Variants in ZNF500 observed in about 807,000 individuals in gnomAD.
ZNF500 encodes zinc finger protein 500.
ZNF500 carries 31 observed loss-of-function variants against 30.1 expected under a neutral mutation model. That is an observed-to-expected ratio of 1.03 (90% CI 0.77 to 1.39). The LOEUF (loss-of-function observed/expected upper bound fraction) is 1.39, where lower values mean the gene tolerates loss of function less well. Among genes scored for constraint, ZNF500 ranks in the 40% most tolerant of loss-of-function variants. The probability of loss-of-function intolerance (pLI) is 0.00; values close to 1 mark genes in which losing one functional copy is unlikely to be tolerated. For synonymous variants in ZNF500, 392 were observed against 282.0 expected (o/e 1.39, Z -3.91); for missense variants, 817 against 657.8 (o/e 1.24, Z -2.65).
At chr16:4,766,129 C>A (rs2082263248) in intron 1 of ZNF500, 53 bp from the exon 2 acceptor site, 2 of 962,676 alleles carry the variant, frequency 2.1e-6, no homozygotes, top group Non-Finnish European at 2.9e-6. Flanking sequence ...CTGGATAAGC[C>A]CTTTGGCCTG....
At chr16:4,747,275 T>C (rs2082029610), downstream of ZNF500, 9 of 1,487,416 alleles carry the variant, frequency 6.1e-6, no homozygotes, top group South Asian at 1.2e-4. Flanking sequence ...TTTCTCCTGT[T>C]TCAGTAAGGA....
chr16:4,744,491 AAAGTG>A (rs1276217739), downstream of ZNF500, among the ~76,000 whole-genome samples: 1 of 151,976 alleles, frequency 6.6e-6, no homozygotes, highest in African/African-American at 2.4e-5. Flanking sequence ...CAAAGTGAAA[AAAGTG>A]AAGTTGAAAA....
chr16:4,753,901 C>T (rs960682887), intron 5 of ZNF500, among the ~76,000 whole-genome samples: 6 of 152,238 alleles, frequency 3.9e-5, no homozygotes, highest in Non-Finnish European at 5.9e-5. Context: ...CACTGGACCT[C>T]CCTTGTCGTA....
chr16:4,763,555 A>G, intron 2 of ZNF500: 1 of 985,446 alleles, frequency 1.0e-6, no homozygotes, highest in South Asian at 4.7e-5. Flanking sequence ...CTAGGCAACT[A>G]CAAACCCAGC....
At chr16:4,747,185 A>G (rs2142215128), downstream of ZNF500, 1 of 1,220,392 alleles carries the variant, frequency 8.2e-7, no homozygotes, top group Non-Finnish European at 1.2e-6. Context: ...GCCCACGTCC[A>G]CTGGGTCCCA....
chr16:4,765,528 C>T, intron 2 of ZNF500, 37 bp downstream of exon 2: 2 of 1,545,092 alleles, frequency 1.3e-6, no homozygotes, highest in Non-Finnish European at 1.7e-6. Flanking sequence ...AGCAGGGCCC[C>T]ATTTCCTCAC....
rs777117919 is a variant in ZNF500 at position 4,752,583 on chromosome 16, G to C, written c.1236C>G (p.Thr412=). ...TGTTGTTGAAGCGCTTCCCGCACTG[G>C]GTGCAGGCATAGGGCCGCTCCCCGC... The part of the protein sequence containing the change: ...THSGERPYAC[T]QCGKRFNNSS... Residue 412 remains threonine, a synonymous_variant, in exon 6 of 6, where the codon ACC becomes ACG. Transcript: ENST00000219478. The C allele has an allele frequency of 6.3e-7, 1 of 1,586,444 alleles. No individual in the cohort carries two copies. The highest frequency in any genetic ancestry group is 8.6e-7 in the Non-Finnish European group (1 of 1,167,456).
At chr16:4,757,707 A>G (rs1212082620) in intron 5 of ZNF500, among the ~76,000 whole-genome samples, 1 of 151,560 alleles carries the variant, frequency 6.6e-6, no homozygotes, top group Non-Finnish European at 1.5e-5. Context: ...GGTTCAAGCG[A>G]TTCTCCTGCC....
intron 4 of ZNF500, among the ~76,000 whole-genome samples, chr16:4,761,120 A>C (rs2082194168): frequency 6.6e-6 from 1 of 152,134 alleles, no homozygotes; most frequent in East Asian, 1.9e-4. Flanking sequence ...TAATGAGTCT[A>C]GGGGGTTTTC....
In ZNF500 at chr16:4,765,738, G is replaced by A. The variant is rs1439693882; in HGVS notation, c.241C>T (p.Pro81Ser). ...LWELCCRWLR[P>S]ELRTKEQILE... is the part of the protein sequence containing the mutation. ...ATCTGCTCCTTGGTGCGCAGCTCCG[G>A]CCGCAGCCAGCGGCAGCACAGCTCC... Residue 81 changes from proline to serine, a missense_variant, in exon 2 of 6, where the codon CCG becomes TCG. By Grantham distance (74) the Pro-to-Ser change is moderately conservative. Coordinates refer to ENST00000219478, the MANE Select transcript of ZNF500 (RefSeq NM_021646.4). 4.3e-6 allele frequency: 7 copies of A among 1,613,212 alleles called. No homozygotes were observed. The highest frequency in any genetic ancestry group is 1.3e-5 in the African/African-American group (1 of 74,926).
intron 2 of ZNF500, chr16:4,764,049 A>G: frequency 1.0e-6 from 1 of 985,412 alleles, no homozygotes; most frequent in Non-Finnish European, 1.2e-6. Context: ...AAGCAGCAGG[A>G]ATGAGTAAGA....
intron 5 of ZNF500, chr16:4,753,300 A>G (rs2082104611): frequency 4.6e-6 from 3 of 652,214 alleles, no homozygotes; most frequent in Non-Finnish European, 6.9e-6. Context: ...GTCTCTACAG[A>G]AAATAAACAA....
chr16:4,747,243 A>G, downstream of ZNF500: 1 of 1,410,002 alleles, frequency 7.1e-7, no homozygotes, highest in Non-Finnish European at 9.6e-7. Context: ...TTGCTCTGAA[A>G]TGGGAGCTGG....
chr16:4,744,964 G>A (rs1272634112), downstream of ZNF500: 1 of 1,613,848 alleles, frequency 6.2e-7, no homozygotes. Flanking sequence ...CCCGGAAGGT[G>A]CCTGCCGACA....
rs976993181 is a variant in ZNF500 at position 4,751,488 on chromosome 16, T to C, written c.*888A>G. ...TGTCTTCCGCCCTGCAGAGCAGCTA[T>C]GGATCTGCAAAGGGGACTGGAATGC... On this transcript the variant is annotated 3_prime_UTR_variant, in exon 6 of 6. Coordinates refer to ENST00000219478, the MANE Select transcript of ZNF500 (RefSeq NM_021646.4). The C allele has an allele frequency of 3.1e-6, 4 of 1,304,732 alleles. No homozygotes were observed. In the African/African-American group the frequency reaches 5.9e-5, roughly 19 times the overall value. 80.8% of individuals were successfully genotyped at this position (1,304,732 alleles called of 1,614,324 possible). A position where few individuals can be genotyped will look rare whatever the true frequency, so the allele number is the denominator to read the frequency against.
downstream of ZNF500, chr16:4,746,553 G>A: frequency 6.3e-7 from 1 of 1,590,534 alleles, no homozygotes; most frequent in Non-Finnish European, 8.6e-7. Context: ...CCTCTACTTT[G>A]CAGAGTTGCC....
At chr16:4,748,086 C>G (rs1254839480), downstream of ZNF500, among the ~76,000 whole-genome samples, 1 of 152,182 alleles carries the variant, frequency 6.6e-6, no homozygotes, top group Admixed American at 6.5e-5. Flanking sequence ...TTCCTGCATA[C>G]TTGCTATTTT....
rs1237525479 is a variant in ZNF500 at position 4,760,370 on chromosome 16, AG to A, written c.760+121del. ...GGTGGGACTCTGCAGGGATACGGGT[AG>A]CCCTGTCCACGGAGGATCGCCCCAG... On this transcript the variant is annotated intron_variant, in intron 5 of 5. Coordinates refer to ENST00000219478, the MANE Select transcript of ZNF500 (RefSeq NM_021646.4). 9 of 839,132 alleles carry A rather than the reference AG, an allele frequency of 1.1e-5. No individual in the cohort carries two copies. The East Asian group carries it at 1.5e-4, about 14-fold the overall frequency. The allele number at this position is 839,132 out of a possible 1,614,324, so 52.0% of individuals were successfully genotyped here.
chr16:4,744,970 C>T (rs559705898), downstream of ZNF500: 7 of 1,613,950 alleles, frequency 4.3e-6, no homozygotes, highest in East Asian at 2.2e-5. Flanking sequence ...AGGTGCCTGC[C>T]GACACTCCCC....
Sources: allele counts gnomAD v4.1 joint callset (sites outside exome capture counted in the v4.1 genomes callset), GRCh38; gene constraint gnomAD v4.1.1; transcripts MANE v1.5; gene names NCBI Gene and HGNC (gene_info 2026-07-23, HGNC 2026-07-21).